Variants in PCDH11X observed in about 807,000 individuals in gnomAD.
PCDH11X encodes protocadherin-11 X-linked.
A neutral mutation model predicts 53.3 loss-of-function variants in PCDH11X; 18 were observed. The observed-to-expected ratio is 0.34, with a 90% CI of 0.23 to 0.50. The LOEUF (loss-of-function observed/expected upper bound fraction) is 0.50. Among genes scored for constraint, PCDH11X ranks in the 20% least tolerant of loss-of-function variants. The probability of loss-of-function intolerance (pLI) is 0.98; values close to 1 mark genes in which losing one functional copy is unlikely to be tolerated. For missense variants in PCDH11X, 570 were observed against 1,032.4 expected (o/e 0.55, Z 6.14); for synonymous variants, 279 against 393.3 (o/e 0.71, Z 3.44).
At chrX:91,852,943 T>C (rs1386740243) in intron 5 of PCDH11X, among the ~76,000 whole-genome samples, 2 of 102,133 alleles carry the variant, frequency 2.0e-5, no homozygotes, top group Non-Finnish European at 4.0e-5. Flanking sequence ...GAGTCAGACT[T>C]GAAAACCTTC....
At position 92,245,982 on chromosome X, in the gene PCDH11X, T is replaced by C. The variant is rs192638665; in HGVS notation, c.3115-17132T>C. Among the ~76,000 whole-genome samples, 3 of 111,824 alleles carry C rather than the reference T, an allele frequency of 2.7e-5. No homozygotes were observed. The Admixed American group carries it at 2.9e-4, about 11-fold the overall frequency. On this transcript the variant is annotated intron_variant, in intron 7 of 10. Transcript: ENST00000682573. ...TAAAAATACCGAATATCCTAATAGA[T>C]AGTATAAATCTAATTGTAAATTTTG...
chrX:91,945,257 T>A (rs1414962112), intron 6 of PCDH11X, among the ~76,000 whole-genome samples: 2 of 103,311 alleles, frequency 1.9e-5, no homozygotes, highest in Non-Finnish European at 4.0e-5. Flanking sequence ...CAGGGCTACA[T>A]CTTTCAACCT....
intron 6 of PCDH11X, among the ~76,000 whole-genome samples, chrX:91,888,967 A>T (rs1268510945): frequency 2.7e-5 from 3 of 112,218 alleles, no homozygotes; most frequent in Non-Finnish European, 5.6e-5. Flanking sequence ...AAGAGAATTG[A>T]TCATAAACAA....
chrX:92,012,946 A>T (rs763045311), intron 6 of PCDH11X, among the ~76,000 whole-genome samples: 4 of 111,741 alleles, frequency 3.6e-5, no homozygotes, highest in African/African-American at 1.3e-4. Flanking sequence ...CAAAAACTGG[A>T]AGCATTCCCT....
intron 10 of PCDH11X, among the ~76,000 whole-genome samples, chrX:92,530,846 T>A (rs1241469715): frequency 1.8e-5 from 2 of 111,620 alleles, no homozygotes; most frequent in African/African-American, 6.5e-5. Flanking sequence ...GAAAGTAATA[T>A]AGATGGAGAT....
intron 6 of PCDH11X, among the ~76,000 whole-genome samples, chrX:91,966,523 C>T (rs1472438973): frequency 3.7e-5 from 4 of 109,360 alleles, no homozygotes; most frequent in Non-Finnish European, 5.7e-5. Context: ...GGAGGGATAG[C>T]ATTAGGAGAA....
intron 6 of PCDH11X, among the ~76,000 whole-genome samples, chrX:91,929,747 G>T (rs1263633555): frequency 1.8e-5 from 2 of 111,632 alleles, no homozygotes; most frequent in East Asian, 5.6e-4. Flanking sequence ...TGTTCAATGA[G>T]ATTCCAGCAG....
intron 6 of PCDH11X, among the ~76,000 whole-genome samples, chrX:91,981,577 T>C (rs916228843): frequency 6.3e-5 from 7 of 111,935 alleles, no homozygotes; most frequent in African/African-American, 2.3e-4. Context: ...TAACCTTTTA[T>C]ACCACTCTAT....
intron 10 of PCDH11X, among the ~76,000 whole-genome samples, chrX:92,542,832 A>C (rs1394715664): frequency 9.0e-6 from 1 of 111,460 alleles, no homozygotes; most frequent in Admixed American, 9.5e-5. Flanking sequence ...TAATATAAAG[A>C]ATACATGATC....
intron 10 of PCDH11X, among the ~76,000 whole-genome samples, chrX:92,499,736 G>A (rs1214549221): frequency 3.9e-5 from 4 of 102,127 alleles, no homozygotes; most frequent in Non-Finnish European, 7.9e-5. Flanking sequence ...CAAGGCTAAG[G>A]TGGGATGACC....
intron 7 of PCDH11X, 136 bp from the exon 8 acceptor site, chrX:92,262,978 C>G (rs1569446724): frequency 9.4e-7 from 1 of 1,066,431 alleles, no homozygotes; most frequent in South Asian, 2.5e-5. Flanking sequence ...AAGCTGTGTA[C>G]CATTGCACTG....
intron 6 of PCDH11X, among the ~76,000 whole-genome samples, chrX:91,957,406 A>G (rs1027446932): frequency 3.3e-4 from 37 of 110,622 alleles, no homozygotes; most frequent in Non-Finnish European, 5.7e-4. Context: ...CCTACCTTCA[A>G]TCTTTTAGGT....
At chrX:92,143,540 T>C (rs1396340767) in intron 6 of PCDH11X, among the ~76,000 whole-genome samples, 1 of 112,402 alleles carries the variant, frequency 8.9e-6, no homozygotes, top group African/African-American at 3.2e-5. Flanking sequence ...AGCTTCCACA[T>C]GGTGTTGAGC....
chrX:92,104,918 C>T (rs1374319720), intron 6 of PCDH11X, among the ~76,000 whole-genome samples: 3 of 110,520 alleles, frequency 2.7e-5, no homozygotes, highest in South Asian at 3.9e-4. Flanking sequence ...GAAAGCGGGA[C>T]TTGCCACTAA....
intron 8 of PCDH11X, among the ~76,000 whole-genome samples, chrX:92,376,543 C>A (rs922411259): frequency 9.0e-6 from 1 of 111,442 alleles, no homozygotes; most frequent in Non-Finnish European, 1.9e-5. Flanking sequence ...TAACTTAATT[C>A]TTTGTGCCAT....
intron 9 of PCDH11X, among the ~76,000 whole-genome samples, chrX:92,417,185 G>T (rs899038754): frequency 8.0e-5 from 9 of 111,981 alleles, no homozygotes; most frequent in African/African-American, 2.9e-4. Context: ...TCTGGCAGAA[G>T]TTAATGAATA....
chrX:92,333,907 C>A (rs56052413), intron 8 of PCDH11X, among the ~76,000 whole-genome samples: 1 of 109,301 alleles, frequency 9.1e-6, no homozygotes, highest in Non-Finnish European at 1.9e-5. Flanking sequence ...TTGTGCTGTT[C>A]TAGTTTGGCT....
chrX:92,454,504 A>AT (rs757612194), intron 9 of PCDH11X, among the ~76,000 whole-genome samples: 11 of 108,801 alleles, frequency 1.0e-4, no homozygotes, highest in South Asian at 7.9e-4. Context: ...TAGCAAAAAT[A>AT]TTTTTTCTTT....
At chrX:92,038,475 T>C (rs747174515) in intron 6 of PCDH11X, among the ~76,000 whole-genome samples, 1 of 111,730 alleles carries the variant, frequency 9.0e-6, no homozygotes, top group South Asian at 3.7e-4. Context: ...AGCCTGCAAT[T>C]GCACAGAAGT....
Sources: allele counts gnomAD v4.1 joint callset (sites outside exome capture counted in the v4.1 genomes callset), GRCh38; gene constraint gnomAD v4.1.1; transcripts MANE v1.5; gene names NCBI Gene and HGNC (gene_info 2026-07-23, HGNC 2026-07-21).